STAT4: variants seen among roughly 807,000 people sequenced by gnomAD.
STAT4 encodes signal transducer and activator of transcription 4.
In STAT4, 42 loss-of-function variants were observed where a neutral mutation model predicts 110.5. The observed-to-expected ratio is 0.38, with a 90% CI of 0.30 to 0.49. The LOEUF is 0.49. STAT4 is among the 20% of genes least tolerant of loss of function. The probability of loss-of-function intolerance (pLI) is 0.95; values close to 1 mark genes in which losing one functional copy is unlikely to be tolerated. For missense variants in STAT4, 632 were observed against 887.9 expected (o/e 0.71, Z 3.66); for synonymous variants, 284 against 302.2 (o/e 0.94, Z 0.63).
At chr2:191,089,095 A>T (rs1265959821) in intron 3 of STAT4, among the ~76,000 whole-genome samples, 1 of 152,228 alleles carries the variant, frequency 6.6e-6, no homozygotes, top group African/African-American at 2.4e-5. Flanking sequence ...TAGTGGAAAA[A>T]TTTCTGCTCT....
intron 14 of STAT4, among the ~76,000 whole-genome samples, chr2:191,041,996 GC>G (rs1469443535): frequency 6.6e-6 from 1 of 152,186 alleles, no homozygotes; most frequent in East Asian, 1.9e-4. Flanking sequence ...TTACGGTTAA[GC>G]CCATGCTTGC....
At chr2:191,122,429 G>A (rs1698764149) in intron 3 of STAT4, among the ~76,000 whole-genome samples, 1 of 151,756 alleles carries the variant, frequency 6.6e-6, no homozygotes, top group South Asian at 2.1e-4. Context: ...CAACCACCAT[G>A]GAAAGTTGTG....
rs1366582835 is a variant in STAT4, at chr2:191,090,663, C to G, written c.274-14338G>C. 6.6e-6 allele frequency among the ~76,000 whole-genome samples: 1 copy of G among 152,122 alleles called. No homozygotes were observed. The highest frequency in any genetic ancestry group is 6.5e-5 in the Admixed American group (1 of 15,268). On this transcript the variant is annotated intron_variant, in intron 3 of 23. Transcript: ENST00000392320. The surrounding 1 kb of genome is among the most constrained non-coding windows in gnomAD (Gnocchi z 4.2). ...GCAACCTCTGCCTCCTGAGTTCATG[C>G]CATTCTCCTGCCTCAGCCTCCCGAG...
In STAT4 at chr2:191,123,150, C is replaced by T. The variant is rs116631155; in HGVS notation, c.273+23463G>A. ...GCAGTGAAAAGAAATGGCTCTCCTA[C>T]GCAATTTCTAAGTGAATCTCGACCA... On this transcript the variant is annotated intron_variant, in intron 3 of 23. Coordinates refer to ENST00000392320, the MANE Select transcript of STAT4 (RefSeq NM_003151.4). Among the ~76,000 whole-genome samples, 666 of 152,290 alleles carry T rather than the reference C, an allele frequency of 4.4e-3. 7 individuals carry two copies. Among genetic ancestry groups the T allele is most frequent in the African/African-American group, 0.015 (634 of 41,552 alleles).
Position 191,031,394 on chromosome 2 carries a change from T to A in STAT4, c.2111+56A>T. 6.5e-7 allele frequency: 1 copy of A among 1,542,386 alleles called. No homozygotes were observed. Among genetic ancestry groups the A allele is most frequent in the Non-Finnish European group, 8.9e-7 (1 of 1,126,734 alleles). On this transcript the variant is annotated intron_variant, in intron 22 of 23. Transcript: ENST00000392320. This position sits in a 1 kb window ranked among gnomAD's most constrained non-coding sequence, Gnocchi z 4.8. ...ATGTGTACTCTGCTCTACCTTTAAATCTCCTATAGGAAAGCTTTTTATAAA... is the reference window on the plus strand; with the variant it reads ...ATGTGTACTCTGCTCTACCTTTAAAACTCCTATAGGAAAGCTTTTTATAAA...
Position 191,042,017 on chromosome 2 carries a change from G to A in STAT4, c.1252-869C>T, listed in dbSNP as rs1440232614. 6.6e-6 allele frequency among the ~76,000 whole-genome samples: 1 copy of A among 152,136 alleles called. No homozygotes were observed. Among genetic ancestry groups the A allele is most frequent in the African/African-American group, 2.4e-5 (1 of 41,426 alleles). The stretch of plus-strand genomic sequence containing the variant: ...TTAAGCCCATGCTTGCCCCTTCTCC[G>A]ACATCTAGAGCCAGGCTTAAAAGCT... On this transcript the variant is annotated intron_variant, in intron 14 of 23. Coordinates refer to ENST00000392320, the MANE Select transcript of STAT4 (RefSeq NM_003151.4). The surrounding 1 kb of genome is among the most constrained non-coding windows in gnomAD (Gnocchi z 4.2).
At chr2:191,097,198 ATAT>A (rs1698012381) in intron 3 of STAT4, among the ~76,000 whole-genome samples, 2 of 152,230 alleles carry the variant, frequency 1.3e-5, no homozygotes, top group Admixed American at 6.5e-5. Flanking sequence ...ATACTGCCCA[ATAT>A]AATTTATAGA....
chr2:191,120,104 A>G (rs1473263279), intron 3 of STAT4, among the ~76,000 whole-genome samples: 1 of 152,234 alleles, frequency 6.6e-6, no homozygotes, highest in Non-Finnish European at 1.5e-5. Flanking sequence ...CCAGAAGAAT[A>G]CCTAAAAGAA....
intron 3 of STAT4, among the ~76,000 whole-genome samples, chr2:191,120,725 T>G (rs1698700571): frequency 6.6e-6 from 1 of 152,194 alleles, no homozygotes; most frequent in African/African-American, 2.4e-5. Flanking sequence ...TAGCCATATG[T>G]AGAAAGCGGA....
At position 191,082,656 on chromosome 2, in the gene STAT4, C is replaced by G. The variant is rs913278691; in HGVS notation, c.274-6331G>C. Among the ~76,000 whole-genome samples the G allele has an allele frequency of 4.6e-5, 7 of 152,204 alleles. No individual in the cohort carries two copies. Among genetic ancestry groups the G allele is most frequent in the Admixed American group, 1.3e-4 (2 of 15,268 alleles). On this transcript the variant is annotated intron_variant, in intron 3 of 23. Coordinates refer to ENST00000392320, the MANE Select transcript of STAT4 (RefSeq NM_003151.4). This position sits in a 1 kb window ranked among gnomAD's most constrained non-coding sequence, Gnocchi z 4.7. ...ACTTTATGCTAAATTTCTTGGCTTT[C>G]CTTCAAATTCCCCTTCCACAGCCTT... is the stretch of plus-strand genomic sequence containing the variant.
Position 191,042,863 on chromosome 2 carries a change from T to C in STAT4, c.1252-1715A>G, listed in dbSNP as rs1014507393. Among the ~76,000 whole-genome samples the C allele has an allele frequency of 6.6e-6, 1 of 151,976 alleles. No individual in the cohort carries two copies. The highest frequency in any genetic ancestry group is 6.6e-5 in the Admixed American group (1 of 15,240). The stretch of plus-strand genomic sequence containing the variant: ...GGCACAATCTCGGCTCACTGCAACC[T>C]CCGCCTCCTGGGTCCAAGTGATTCT... On this transcript the variant is annotated intron_variant, in intron 14 of 23. Transcript: ENST00000392320. The surrounding 1 kb of genome is among the most constrained non-coding windows in gnomAD (Gnocchi z 4.2).
At chr2:191,132,947 G>C (rs1699083277) in intron 3 of STAT4, among the ~76,000 whole-genome samples, 1 of 151,064 alleles carries the variant, frequency 6.6e-6, no homozygotes, top group South Asian at 2.1e-4. Flanking sequence ...GTAGAGACGG[G>C]GTTTCACCGT....
rs1698454946 is a variant in STAT4, at chr2:191,112,650, G to A, written c.273+33963C>T. ...GTTATTACTGTTATTACTTTCCCAA[G>A]TACGACCTCATTTTTGACAACTTTG... is the stretch of plus-strand genomic sequence containing the variant. On this transcript the variant is annotated intron_variant, in intron 3 of 23. Coordinates refer to ENST00000392320, the MANE Select transcript of STAT4 (RefSeq NM_003151.4). The surrounding 1 kb of genome is among the most constrained non-coding windows in gnomAD (Gnocchi z 4.3). Among the ~76,000 whole-genome samples the A allele has an allele frequency of 1.3e-5, 2 of 152,164 alleles. No homozygotes were observed. Among genetic ancestry groups the A allele is most frequent in the South Asian group, 4.1e-4 (2 of 4,824 alleles).
chr2:191,073,951 T>C (rs1322537341), intron 4 of STAT4, among the ~76,000 whole-genome samples: 1 of 152,212 alleles, frequency 6.6e-6, no homozygotes, highest in Non-Finnish European at 1.5e-5. Flanking sequence ...ATAACATCTA[T>C]ATAACTTTTG....
Position 191,147,046 on chromosome 2 carries a change from T to C in STAT4, c.129-289A>G, listed in dbSNP as rs1041118176. Among the ~76,000 whole-genome samples the C allele has an allele frequency of 2.0e-5, 3 of 152,078 alleles. No homozygotes were observed. The highest frequency in any genetic ancestry group is 4.4e-5 in the Non-Finnish European group (3 of 67,966). ...GTGAGGATACAGAGAAATTGTGCAA[T>C]GCTGGTGGGAAGGTAAAATGGTCAA... On this transcript the variant is annotated intron_variant, in intron 2 of 23. Coordinates refer to ENST00000392320, the MANE Select transcript of STAT4 (RefSeq NM_003151.4). The surrounding 1 kb of genome is among the most constrained non-coding windows in gnomAD (Gnocchi z 4.1).
At chr2:191,040,813 C>A (rs1696174888) in intron 15 of STAT4, among the ~76,000 whole-genome samples, 1 of 152,232 alleles carries the variant, frequency 6.6e-6, no homozygotes, top group South Asian at 2.1e-4. Context: ...ATCCACCCAC[C>A]TTGGCCTACC....
At chr2:191,065,232 T>C (rs1357491387) in intron 7 of STAT4, among the ~76,000 whole-genome samples, 2 of 152,182 alleles carry the variant, frequency 1.3e-5, no homozygotes, top group Admixed American at 6.6e-5. Context: ...GGCAACAATA[T>C]TGAATCTTGT....
chr2:191,132,793 C>A (rs894994972), intron 3 of STAT4, among the ~76,000 whole-genome samples: 4 of 143,752 alleles, frequency 2.8e-5, no homozygotes, highest in African/African-American at 1.1e-4. Context: ...CTCGCTCTGT[C>A]GCCCAGGCTG....
At chr2:191,097,952 G>C (rs765955198) in intron 3 of STAT4, among the ~76,000 whole-genome samples, 8 of 151,498 alleles carry the variant, frequency 5.3e-5, no homozygotes, top group African/African-American at 1.5e-4. Flanking sequence ...AGTGGGCAAA[G>C]GATATGAACA....
Sources: allele counts gnomAD v4.1 joint callset (sites outside exome capture counted in the v4.1 genomes callset), GRCh38; gene constraint gnomAD v4.1.1; non-coding constraint Gnocchi (gnomAD v3.1); transcripts MANE v1.5; gene names NCBI Gene and HGNC (gene_info 2026-07-23, HGNC 2026-07-21).